ERI3: variants seen among roughly 807,000 people sequenced by gnomAD.
The protein encoded by ERI3 is ERI1 exoribonuclease 3.
A neutral mutation model predicts 44.4 loss-of-function variants in ERI3; 18 were observed. The ratio of observed to expected loss-of-function variants is 0.41; its 90% confidence interval spans 0.28 to 0.60. The LOEUF is 0.60. Ranked by LOEUF, ERI3 falls within the 20% of genes least tolerant of loss-of-function variation. ERI3 has a pLI of 0.36. For synonymous variants in ERI3, 183 were observed against 164.8 expected (o/e 1.11, Z -0.84); for missense variants, 294 against 435.5 (o/e 0.68, Z 2.89).
At chr1:44,248,127 T>C (rs1644594076) in intron 7 of ERI3, 89 bp from the exon 8 acceptor site, 2 of 797,810 alleles carry the variant, frequency 2.5e-6, no homozygotes, top group East Asian at 6.2e-5. Context: ...CCCCAAATCT[T>C]TCCAACAAGG....
At chr1:44,266,962 C>T (rs540400328) in intron 7 of ERI3, among the ~76,000 whole-genome samples, 2 of 152,310 alleles carry the variant, frequency 1.3e-5, no homozygotes, top group Admixed American at 1.3e-4. Flanking sequence ...CCTGAACATA[C>T]CACTGTAGCT....
intron 2 of ERI3, among the ~76,000 whole-genome samples, chr1:44,344,726 T>C (rs547872253): frequency 5.3e-4 from 81 of 152,374 alleles, no homozygotes; most frequent in Non-Finnish European, 1.1e-3. Context: ...ATTCTGCCTA[T>C]TTCTGCAAAC....
chr1:44,221,391 C>G lies in ERI3; in HGVS notation c.*167G>C. Reference sequence around the variant, plus strand: ...TCCAGAAGGGCCAAGTGGCCAAGCCCTTGCAAGGGCACAAGCCCACGCCAA... The same window carrying G: ...TCCAGAAGGGCCAAGTGGCCAAGCCGTTGCAAGGGCACAAGCCCACGCCAA... On this transcript the variant is annotated 3_prime_UTR_variant, in exon 9 of 9. Transcript: ENST00000372257. The surrounding 1 kb of genome is among the most constrained non-coding windows in gnomAD (Gnocchi z 5.9). 1.6e-6 allele frequency: 1 copy of G among 614,482 alleles called. No homozygotes were observed. The highest frequency in any genetic ancestry group is 2.0e-5 in the South Asian group (1 of 50,568). 38.1% of individuals were successfully genotyped at this position (614,482 alleles called of 1,614,324 possible). A position where few individuals can be genotyped will look rare whatever the true frequency, so the allele number is the denominator to read the frequency against.
intron 4 of ERI3, among the ~76,000 whole-genome samples, chr1:44,314,134 T>A (rs1466267963): frequency 7.0e-6 from 1 of 143,558 alleles, no homozygotes; most frequent in African/African-American, 2.5e-5. Flanking sequence ...CTTGGAAACT[T>A]CTTTTTTTTA....
chr1:44,346,445 ACTC>A (rs1646784854), intron 2 of ERI3, among the ~76,000 whole-genome samples: 1 of 152,180 alleles, frequency 6.6e-6, no homozygotes, highest in African/African-American at 2.4e-5. Flanking sequence ...GCTTGGGCAA[ACTC>A]CTTTCAGCGG....
At position 44,252,776 on chromosome 1, in the gene ERI3, C is replaced by T. The variant is rs559720054; in HGVS notation, c.832-4738G>A. On this transcript the variant is annotated intron_variant, in intron 7 of 8. Coordinates refer to ENST00000372257, the MANE Select transcript of ERI3 (RefSeq NM_024066.3). This position sits in a 1 kb window ranked among gnomAD's most constrained non-coding sequence, Gnocchi z 4.7. ...CTCTGCCCACCCATATACTACCTAC[C>T]AGGACCCTCAGAGTGGAGTGGACGC... Among the ~76,000 whole-genome samples, 3 of 152,320 alleles carry T rather than the reference C, an allele frequency of 2.0e-5. No homozygotes were observed. In the South Asian group the frequency reaches 6.2e-4, roughly 32 times the overall value.
rs368934566 is a variant in ERI3 at position 44,248,073 on chromosome 1, C to G, written c.832-35G>C. 21 of 1,540,590 alleles carry G rather than the reference C, an allele frequency of 1.4e-5. No homozygotes were observed. In the African/African-American group the frequency reaches 2.0e-4, roughly 15 times the overall value. On this transcript the variant is annotated intron_variant, in intron 7 of 8. Transcript: ENST00000372257. ...AGGAGGCAAGTGGTTAACGGAGGCC[C>G]TGACCCTCTGAACCAACCCCACTCA...
chr1:44,297,784 G>T (rs943722727), intron 6 of ERI3, among the ~76,000 whole-genome samples: 2 of 152,198 alleles, frequency 1.3e-5, no homozygotes, highest in African/African-American at 4.8e-5. Context: ...ACAAAACAGA[G>T]GTCACTCACC....
intron 7 of ERI3, among the ~76,000 whole-genome samples, chr1:44,265,868 G>A (rs977023091): frequency 6.6e-6 from 1 of 152,178 alleles, no homozygotes; most frequent in Non-Finnish European, 1.5e-5. Context: ...GCTTCAGGCT[G>A]GGGCATTTGC....
At chr1:44,342,844 T>TATATATA in intron 2 of ERI3, among the ~76,000 whole-genome samples, 3 of 32,916 alleles carry the variant, frequency 9.1e-5, no homozygotes, top group African/African-American at 4.3e-4. Context: ...TATATATATA[T>TATATATA]ATATATATAT....
At chr1:44,276,467 C>T (rs1208653727) in intron 7 of ERI3, among the ~76,000 whole-genome samples, 1 of 152,172 alleles carries the variant, frequency 6.6e-6, no homozygotes, top group Non-Finnish European at 1.5e-5. Flanking sequence ...ATGGAGGTCT[C>T]TTCCATCCTT....
intron 8 of ERI3, among the ~76,000 whole-genome samples, chr1:44,237,077 G>A (rs1013869652): frequency 2.0e-5 from 3 of 152,138 alleles, no homozygotes; most frequent in Admixed American, 6.5e-5. Context: ...CGCCTGGCCC[G>A]GGGACTTGTG....
chr1:44,248,122 A>T, intron 7 of ERI3, 84 bp from the exon 8 acceptor site: 1 of 835,082 alleles, frequency 1.2e-6, no homozygotes, highest in Non-Finnish European at 1.8e-6. Flanking sequence ...CCACCCCCCA[A>T]ATCTTTCCAA....
Position 44,324,476 on chromosome 1 carries a change from CTT to C in ERI3, c.490-4734_490-4733del, listed in dbSNP as rs35475844. On this transcript the variant is annotated intron_variant, in intron 3 of 8. Coordinates refer to ENST00000372257, the MANE Select transcript of ERI3 (RefSeq NM_024066.3). ...CCAAGGGTTTCCTGCAACATAGACTCTTTTTTTTTTTTTTTTTTTTTTTGAGA... is the reference window on the plus strand; with the variant it reads ...CCAAGGGTTTCCTGCAACATAGACTCTTTTTTTTTTTTTTTTTTTTTGAGA... Among the ~76,000 whole-genome samples the C allele has an allele frequency of 5.0e-3, 450 of 90,418 alleles. 1 individual carries two copies. Among genetic ancestry groups the C allele is most frequent in the African/African-American group, 0.018 (417 of 23,596 alleles). 59.3% of individuals were successfully genotyped at this position (90,418 alleles called of 152,430 possible). A position where few individuals can be genotyped will look rare whatever the true frequency, so the allele number is the denominator to read the frequency against.
intron 6 of ERI3, among the ~76,000 whole-genome samples, chr1:44,294,058 T>G (rs1645561827): frequency 6.6e-6 from 1 of 152,092 alleles, no homozygotes; most frequent in African/African-American, 2.4e-5. Context: ...TGAGCAGGAG[T>G]GTCTGATCTG....
At chr1:44,223,556 T>G (rs991583758) in intron 8 of ERI3, among the ~76,000 whole-genome samples, 2 of 152,128 alleles carry the variant, frequency 1.3e-5, no homozygotes, top group Admixed American at 1.3e-4. Flanking sequence ...ATAAGTCCCC[T>G]CGTTATCTGC....
intron 7 of ERI3, among the ~76,000 whole-genome samples, chr1:44,275,305 G>C (rs1254742612): frequency 6.6e-6 from 1 of 152,102 alleles, no homozygotes; most frequent in East Asian, 1.9e-4. Context: ...TGGCTAGCAG[G>C]GTTTTGGATC....
At chr1:44,250,614 G>A (rs1644657390) in intron 7 of ERI3, among the ~76,000 whole-genome samples, 1 of 152,178 alleles carries the variant, frequency 6.6e-6, no homozygotes, top group Non-Finnish European at 1.5e-5. Flanking sequence ...GCGAGGGCGA[G>A]ATGAATTGGC....
At chr1:44,353,076 A>C in intron 1 of ERI3, 151 bp from the exon 2 acceptor site, 1 of 1,452,036 alleles carries the variant, frequency 6.9e-7, no homozygotes, top group East Asian at 2.4e-5. Flanking sequence ...GCTTTCAGAA[A>C]CTATTAGTAC....
Sources: gnomAD v4.1 joint callset for allele counts (sites outside exome capture counted in the v4.1 genomes callset) on GRCh38, gnomAD v4.1.1 for gene constraint, Gnocchi (gnomAD v3.1) non-coding constraint, MANE v1.5 for transcripts, NCBI Gene and HGNC (gene_info 2026-07-23, HGNC 2026-07-21) for gene names.